The following COL7A1 variants were observed in gnomAD, a reference collection of about 807,000 sequenced individuals.
COL7A1 encodes the protein collagen type VII alpha 1 chain.
Under a neutral mutation model 456.2 loss-of-function variants are expected in COL7A1, and 296 were observed. The observed-to-expected ratio is 0.65, with a 90% CI of 0.59 to 0.71. The LOEUF (loss-of-function observed/expected upper bound fraction) is 0.71, where lower values mean the gene tolerates loss of function less well. Among genes scored for constraint, COL7A1 ranks in the 30% least tolerant of loss-of-function variants. The probability of loss-of-function intolerance (pLI) is 0.00; values close to 1 mark genes in which losing one functional copy is unlikely to be tolerated. For missense variants in COL7A1, 3,441 were observed against 4,017.2 expected (o/e 0.86, Z 3.88); for synonymous variants, 1,464 against 1,525.9 (o/e 0.96, Z 0.95).
Position 48,578,775 on chromosome 3 carries a change from C to T in COL7A1, c.5424+144G>A, listed in dbSNP as rs2044505684. On this transcript the variant is annotated intron_variant, in intron 63 of 118. Transcript: ENST00000681320. The surrounding 1 kb of genome is among the most constrained non-coding windows in gnomAD (Gnocchi z 4.7). ...GTCAGAAAGGGGGATTCTACTAAAACCTGTGTGCCAGGGACTGAGACCCTC... is the reference window on the plus strand; with the variant it reads ...GTCAGAAAGGGGGATTCTACTAAAATCTGTGTGCCAGGGACTGAGACCCTC... The T allele has an allele frequency of 1.1e-6, 1 of 874,378 alleles. No homozygotes were observed. Among genetic ancestry groups the T allele is most frequent in the East Asian group, 2.6e-5 (1 of 37,808 alleles). The allele number at this position is 874,378 out of a possible 1,614,324, so 54.2% of individuals were successfully genotyped here. A position where few individuals can be genotyped will look rare whatever the true frequency, so the allele number is the denominator to read the frequency against.
chr3:48,593,110 G>T lies in COL7A1; in HGVS notation c.674C>A (p.Thr225Asn). ...VCTTAGGVPV[T>N]RPPDDSTSAP... The stretch of plus-strand genomic sequence containing the variant: ...TGTGGGCAGGAACTCACGAGGTCGG[G>T]TCACAGGCACGCCACCAGCAGTCGT... Residue 225 changes from threonine (T) to asparagine (N), a missense_variant, in exon 6 of 119, where the codon ACC becomes AAC. Transcript: ENST00000681320. This position sits in a 1 kb window ranked among gnomAD's most constrained non-coding sequence, Gnocchi z 4.4. The T allele has an allele frequency of 6.2e-7, 1 of 1,614,110 alleles. No homozygotes were observed. Among genetic ancestry groups the T allele is most frequent in the Non-Finnish European group, 8.5e-7 (1 of 1,180,016 alleles).
In COL7A1 at chr3:48,588,685, G is replaced by A. The variant is rs139545952; in HGVS notation, c.2544C>T (p.Val848=). 495 of 1,613,862 alleles carry A rather than the reference G, an allele frequency of 3.1e-4. 1 individual carries two copies. The highest frequency in any genetic ancestry group is 1.4e-3 in the Admixed American group (85 of 60,032). ...AGACAGGTGTGCCCTCGCGGTCCCC[G>A]ACAAGTGCAGTCACTCGCACTGAGT... ...VSYSVRVTAL[V]GDREGTPVSI... is the part of the protein sequence containing the mutation. The change falls in exon 20 of 119, where the codon GTC becomes GTT. Residue 848 remains valine (V), a synonymous_variant. Coordinates refer to ENST00000681320, the MANE Select transcript of COL7A1 (RefSeq NM_000094.4). This position sits in a 1 kb window ranked among gnomAD's most constrained non-coding sequence, Gnocchi z 4.6.
Position 48,580,508 on chromosome 3 carries a change from G to T in COL7A1, c.5052+73C>A, listed in dbSNP as rs2044669385. The T allele has an allele frequency of 1.3e-6, 2 of 1,540,832 alleles. No homozygotes were observed. Among genetic ancestry groups the T allele is most frequent in the East Asian group, 2.3e-5 (1 of 43,494 alleles). The stretch of plus-strand genomic sequence containing the variant: ...GGGTTTAGCATTACAGGGTTGGGGG[G>T]TAGGATCAGGTATTGGGAATTGGCT... On this transcript the variant is annotated intron_variant, in intron 55 of 118. Coordinates refer to ENST00000681320, the MANE Select transcript of COL7A1 (RefSeq NM_000094.4). The surrounding 1 kb of genome is among the most constrained non-coding windows in gnomAD (Gnocchi z 4.5).
chr3:48,574,602 G>A lies in COL7A1; in HGVS notation c.6394-52C>T, dbSNP rs751465325. On this transcript the variant is annotated intron_variant, in intron 78 of 118. Coordinates refer to ENST00000681320, the MANE Select transcript of COL7A1 (RefSeq NM_000094.4). This position sits in a 1 kb window ranked among gnomAD's most constrained non-coding sequence, Gnocchi z 5.0. ...CCCCCAGTCCCTGCCACGTGCCCAG[G>A]TGCATATGCACACCACCTCTAGTGT... is the stretch of plus-strand genomic sequence containing the variant. 7.4e-6 allele frequency: 12 copies of A among 1,613,770 alleles called. No homozygotes were observed. Among genetic ancestry groups the A allele is most frequent in the Middle Eastern group, 1.6e-4 (1 of 6,084 alleles).
Position 48,588,351 on chromosome 3 carries a change from G to A in COL7A1, c.2641C>T (p.His881Tyr). The part of the protein sequence containing the change: ...GTLHVVQRGE[H>Y]SLRLRWEPVP... Reference sequence around the variant, plus strand: ...GGCTCCCAGCGCAGCCTCAGCGAGTGCTCCCCGCGCTGCACCACGTGAAGC... The same window carrying A: ...GGCTCCCAGCGCAGCCTCAGCGAGTACTCCCCGCGCTGCACCACGTGAAGC... The change falls in exon 21 of 119, where the codon CAC (histidine) becomes TAC (tyrosine). Residue 881 changes from histidine (H) to tyrosine (Y), a missense_variant. By Grantham distance (83) the His-to-Tyr change is moderately conservative. Transcript: ENST00000681320. The surrounding 1 kb of genome is among the most constrained non-coding windows in gnomAD (Gnocchi z 4.6). The A allele has an allele frequency of 6.2e-7, 1 of 1,612,500 alleles. No homozygotes were observed. The highest frequency in any genetic ancestry group is 8.5e-7 in the Non-Finnish European group (1 of 1,179,944).
intron 37 of COL7A1, 67 bp from the exon 38 acceptor site, chr3:48,584,128 G>A: frequency 6.2e-7 from 1 of 1,612,776 alleles, no homozygotes; most frequent in Non-Finnish European, 8.5e-7. Flanking sequence ...CAGGAGTGAT[G>A]AGGGTCATGG....
Position 48,573,265 on chromosome 3 carries a change from C to T in COL7A1, c.6652-29G>A. 6.2e-7 allele frequency: 1 copy of T among 1,614,032 alleles called. No individual in the cohort carries two copies. The highest frequency in any genetic ancestry group is 1.3e-5 in the African/African-American group (1 of 75,034). On this transcript the variant is annotated intron_variant, in intron 84 of 118. Transcript: ENST00000681320. This position sits in a 1 kb window ranked among gnomAD's most constrained non-coding sequence, Gnocchi z 5.5. Reference sequence around the variant, plus strand: ...GAGGAAGAGAAAGTTCAGGGCAGTGCCAACCCCACCCATCTCCCTATGACC... The same window carrying T: ...GAGGAAGAGAAAGTTCAGGGCAGTGTCAACCCCACCCATCTCCCTATGACC...
Position 48,574,160 on chromosome 3 carries a change from G to A in COL7A1, c.6501+102C>T, listed in dbSNP as rs1575435750. 2.1e-6 allele frequency: 3 copies of A among 1,438,540 alleles called. No individual in the cohort carries two copies. Among genetic ancestry groups the A allele is most frequent in the East Asian group, 2.3e-5 (1 of 44,012 alleles). The allele number at this position is 1,438,540 out of a possible 1,614,324, so 89.1% of individuals were successfully genotyped here. A position where few individuals can be genotyped will look rare whatever the true frequency, so the allele number is the denominator to read the frequency against. The stretch of plus-strand genomic sequence containing the variant: ...ACACACAGAGAGGCACACAGACACA[G>A]GTACACACAAACACACACACACAGA... On this transcript the variant is annotated intron_variant, in intron 80 of 118. Transcript: ENST00000681320. The surrounding 1 kb of genome is among the most constrained non-coding windows in gnomAD (Gnocchi z 5.0).
chr3:48,569,534 C>T lies in COL7A1; in HGVS notation c.7614+58G>A. On this transcript the variant is annotated intron_variant, in intron 102 of 118. Transcript: ENST00000681320. This position sits in a 1 kb window ranked among gnomAD's most constrained non-coding sequence, Gnocchi z 4.9. The stretch of plus-strand genomic sequence containing the variant: ...TGAGCTCTCAGATGCCCTGGGCCAG[C>T]CCCACGGGGTCCCTCTCGCACCCAG... 5.0e-6 allele frequency: 8 copies of T among 1,613,006 alleles called. No individual in the cohort carries two copies. Among genetic ancestry groups the T allele is most frequent in the Non-Finnish European group, 6.8e-6 (8 of 1,179,138 alleles).
At position 48,581,978 on chromosome 3, in the gene COL7A1, G is replaced by C. The variant is rs1346763082; in HGVS notation, c.4636-35C>G. On this transcript the variant is annotated intron_variant, in intron 47 of 118. Coordinates refer to ENST00000681320, the MANE Select transcript of COL7A1 (RefSeq NM_000094.4). This position sits in a 1 kb window ranked among gnomAD's most constrained non-coding sequence, Gnocchi z 5.8. ...AACAGGACAGATACAGCTTGGCCCT[G>C]CCTTGGGGTTGTATGATCAAAGTCT... The C allele has an allele frequency of 6.2e-7, 1 of 1,613,932 alleles. No homozygotes were observed. The highest frequency in any genetic ancestry group is 1.1e-5 in the South Asian group (1 of 91,088).
At position 48,592,795 on chromosome 3, in the gene COL7A1, G is replaced by A; in HGVS notation, c.826C>T (p.Leu276=). The change falls in exon 7 of 119, where the codon CTG becomes TTG. Residue 276 remains leucine (L), a synonymous_variant. Transcript: ENST00000681320. The surrounding 1 kb of genome is among the most constrained non-coding windows in gnomAD (Gnocchi z 7.6). ...CCTACCTCCTGCCGCTCACTCGGCA[G>A]TGGCTGTCCCAGCCCCGTCAGAGGA... The part of the protein sequence containing the change: ...YTPLTGLGQP[L]PSERQEVNVP... 6.2e-7 allele frequency: 1 copy of A among 1,613,838 alleles called. No homozygotes were observed. Among genetic ancestry groups the A allele is most frequent in the Non-Finnish European group, 8.5e-7 (1 of 1,180,046 alleles).
Position 48,575,290 on chromosome 3 carries a change from C to G in COL7A1, c.6181-48G>C. ...GGGCCAAGCCCATGGGGGGTCCCAC[C>G]CCTCCCAACCCCTCTTCCCTCACTC... On this transcript the variant is annotated intron_variant, in intron 74 of 118. Coordinates refer to ENST00000681320, the MANE Select transcript of COL7A1 (RefSeq NM_000094.4). The surrounding 1 kb of genome is among the most constrained non-coding windows in gnomAD (Gnocchi z 6.3). 2 of 1,612,706 alleles carry G rather than the reference C, an allele frequency of 1.2e-6. No homozygotes were observed. Among genetic ancestry groups the G allele is most frequent in the South Asian group, 1.1e-5 (1 of 91,066 alleles).
Position 48,578,897 on chromosome 3 carries a change from C to T in COL7A1, c.5424+22G>A, listed in dbSNP as rs1051465109. ...TTACGCAGCCCCGAGCCCCCTCTGT[C>T]CCAGCATCTCCCCTCACTTACGTCT... On this transcript the variant is annotated intron_variant, in intron 63 of 118. Transcript: ENST00000681320. This position sits in a 1 kb window ranked among gnomAD's most constrained non-coding sequence, Gnocchi z 4.7. 2 of 1,612,672 alleles carry T rather than the reference C, an allele frequency of 1.2e-6. No homozygotes were observed. The highest frequency in any genetic ancestry group is 1.7e-6 in the Non-Finnish European group (2 of 1,179,306).
Position 48,579,914 on chromosome 3 carries a change from G to C in COL7A1, c.5125-100C>G, listed in dbSNP as rs2044617899. ...TGAGGGGCTCCAGGGATCCGCGGAG[G>C]TTTCAGAGGGACAGTGGGGGAAGTG... On this transcript the variant is annotated intron_variant, in intron 57 of 118. Transcript: ENST00000681320. This position sits in a 1 kb window ranked among gnomAD's most constrained non-coding sequence, Gnocchi z 4.4. 6.2e-7 allele frequency: 1 copy of C among 1,607,020 alleles called. No individual in the cohort carries two copies. Among genetic ancestry groups the C allele is most frequent in the South Asian group, 1.1e-5 (1 of 90,918 alleles).
rs371461559 is a variant in COL7A1 at position 48,592,278 on chromosome 3, G to A, written c.1094-30C>T. 5.7e-4 allele frequency: 912 copies of A among 1,613,796 alleles called. No individual in the cohort carries two copies. Among genetic ancestry groups the A allele is most frequent in the Non-Finnish European group, 7.2e-4 (850 of 1,179,994 alleles). The stretch of plus-strand genomic sequence containing the variant: ...ATGGGGGACACCAAGGGGCCAGTGG[G>A]CCTTGCAGACTCAGGACTCTACAGC... On this transcript the variant is annotated intron_variant, in intron 9 of 118. Transcript: ENST00000681320. This position sits in a 1 kb window ranked among gnomAD's most constrained non-coding sequence, Gnocchi z 7.6.
rs374009584 is a variant in COL7A1 at position 48,592,889 on chromosome 3, G to A, written c.732C>T (p.Ser244=). Residue 244 remains serine, a synonymous_variant, in exon 7 of 119, where the codon AGC becomes AGT. Coordinates refer to ENST00000681320, the MANE Select transcript of COL7A1 (RefSeq NM_000094.4). The surrounding 1 kb of genome is among the most constrained non-coding windows in gnomAD (Gnocchi z 7.6). ...TCCACTGTACTCTCAAGGATTGGCT[G>A]CTTGGCTCAGACAGCACCAGGTCTC... is the stretch of plus-strand genomic sequence containing the variant. ...APRDLVLSEP[S]SQSLRVQWTA... is the part of the protein sequence containing the mutation. The A allele has an allele frequency of 1.2e-6, 2 of 1,614,024 alleles. No individual in the cohort carries two copies. The highest frequency in any genetic ancestry group is 2.2e-5 in the East Asian group (1 of 44,892).
At position 48,574,348 on chromosome 3, in the gene COL7A1, C is replaced by A; in HGVS notation, c.6457-42G>T. On this transcript the variant is annotated intron_variant, in intron 79 of 118. Transcript: ENST00000681320. The surrounding 1 kb of genome is among the most constrained non-coding windows in gnomAD (Gnocchi z 5.0). ...TAAGGCCTTAGTTTCCCAGTTCCAA[C>A]TTCCCCTCCACCCACCATCCCCCTA... is the stretch of plus-strand genomic sequence containing the variant. The A allele has an allele frequency of 1.2e-6, 2 of 1,614,112 alleles. No individual in the cohort carries two copies. The highest frequency in any genetic ancestry group is 1.7e-6 in the Non-Finnish European group (2 of 1,179,966).
rs775288140 is a variant in COL7A1, at chr3:48,593,101, C to G, written c.682+1G>C. 1 of 1,614,050 alleles carries G rather than the reference C, an allele frequency of 6.2e-7. No homozygotes were observed. On this transcript the variant is annotated splice_donor_variant, in intron 6 of 118. Coordinates refer to ENST00000681320, the MANE Select transcript of COL7A1 (RefSeq NM_000094.4). LOFTEE classifies it high-confidence loss of function. This position sits in a 1 kb window ranked among gnomAD's most constrained non-coding sequence, Gnocchi z 4.4. ...GGTACACCGTGTGGGCAGGAACTCA[C>G]GAGGTCGGGTCACAGGCACGCCACC...
rs780821145 is a variant in COL7A1 at position 48,569,958 on chromosome 3, G to A, written c.7486-43C>T. ...ACCGTGAGCTACAGGAACCAGGGCA[G>A]TGGAGGACGGAGGAGGATCAGGGGG... On this transcript the variant is annotated intron_variant, in intron 99 of 118. Transcript: ENST00000681320. This position sits in a 1 kb window ranked among gnomAD's most constrained non-coding sequence, Gnocchi z 4.9. The A allele has an allele frequency of 6.2e-7, 1 of 1,613,278 alleles. No individual in the cohort carries two copies. The highest frequency in any genetic ancestry group is 8.5e-7 in the Non-Finnish European group (1 of 1,179,440).
Sources: allele counts gnomAD v4.1 joint callset, GRCh38; gene constraint gnomAD v4.1.1; non-coding constraint Gnocchi (gnomAD v3.1); transcripts MANE v1.5; gene names NCBI Gene and HGNC (gene_info 2026-07-23, HGNC 2026-07-21).